MRPL49: variants seen among roughly 807,000 people sequenced by gnomAD.
The protein encoded by MRPL49 is mitochondrial ribosomal protein L49, also known as large ribosomal subunit protein mL49.
MRPL49 carries 14 observed loss-of-function variants against 18.4 expected under a neutral mutation model. That is an observed-to-expected ratio of 0.76 (90% CI 0.50 to 1.19). The LOEUF is 1.19. MRPL49 is among the 50% of genes most tolerant of loss of function. The pLI, the probability that MRPL49 is intolerant of heterozygous loss-of-function variation, is 0.00. For synonymous variants in MRPL49, 104 were observed against 86.2 expected, an observed-to-expected ratio of 1.21 and a Z score of -1.14; for missense variants, 190 against 217.8, an observed-to-expected ratio of 0.87 and a Z score of 0.80.
intron 2 of MRPL49, chr11:65,125,200 G>T: frequency 8.9e-6 from 4 of 447,462 alleles, no homozygotes; most frequent in Non-Finnish European, 1.2e-5. Flanking sequence ...GGAGGGCAAG[G>T]GTTGGCCTAG....
Position 65,124,582 on chromosome 11 carries a change from G to A in MRPL49, c.159G>A (p.Pro53=), listed in dbSNP as rs201173511. 32 of 1,614,156 alleles carry A rather than the reference G, an allele frequency of 2.0e-5. No homozygotes were observed. The highest frequency in any genetic ancestry group is 2.5e-5 in the Non-Finnish European group (30 of 1,180,030). The change falls in exon 2 of 4, where the codon CCG becomes CCA. Residue 53 remains proline (P), a synonymous_variant. Transcript: ENST00000279242. ...DEYQFVERLL[P]ATRIPDPPKH... The stretch of plus-strand genomic sequence containing the variant: ...ATCAGTTTGTGGAGCGCCTGTTACC[G>A]GCTACCAGGATCCCAGATCCCCCAA...
intron 2 of MRPL49, chr11:65,124,888 A>G (rs1227667511): frequency 2.3e-6 from 1 of 436,358 alleles, no homozygotes; most frequent in East Asian, 3.7e-5. Flanking sequence ...TATGGGGGAA[A>G]GTAAACAACA....
chr11:65,122,477 G>A, intron 1 of MRPL49, 53 bp downstream of exon 1: 1 of 1,526,904 alleles, frequency 6.5e-7, no homozygotes, highest in Non-Finnish European at 8.9e-7. Flanking sequence ...GAGGCTCAGT[G>A]TTAATCATTG....
chr11:65,123,910 A>G (rs546935195), intron 1 of MRPL49, among the ~76,000 whole-genome samples: 312 of 151,960 alleles, frequency 2.1e-3, no homozygotes, highest in Non-Finnish European at 3.5e-3. Context: ...TGTTTGAGAG[A>G]GTCTCGTCGC....
rs1430625821 is a variant in MRPL49, at chr11:65,127,069, C to T, written c.*1197C>T. 2.1e-5 allele frequency: 15 copies of T among 702,214 alleles called. No individual in the cohort carries two copies. Among genetic ancestry groups the T allele is most frequent in the Non-Finnish European group, 3.4e-5 (13 of 384,924 alleles). The allele number at this position is 702,214 out of a possible 1,614,324, so 43.5% of individuals were successfully genotyped here. A position where few individuals can be genotyped will look rare whatever the true frequency, so the allele number is the denominator to read the frequency against. ...CTGACTCCCCAACTTGGTCTCTGCC[C>T]TGAAGCAGGGCACTGAACTCTGGGC... On this transcript the variant is annotated 3_prime_UTR_variant, in exon 4 of 4. Transcript: ENST00000279242.
intron 2 of MRPL49, 29 bp downstream of exon 2, chr11:65,124,681 A>G: frequency 6.2e-7 from 1 of 1,610,572 alleles, no homozygotes; most frequent in Non-Finnish European, 8.5e-7. Context: ...GATGATTTGA[A>G]AGCTTCACGG....
chr11:65,125,438 G>C (rs1948089888), intron 2 of MRPL49, 50 bp from the exon 3 acceptor site: 1 of 1,609,964 alleles, frequency 6.2e-7, no homozygotes, highest in African/African-American at 1.3e-5. Context: ...TGGCTGAGGT[G>C]GGATGGCACG....
Position 65,125,988 on chromosome 11 carries a change from A to G in MRPL49, c.*116A>G. The G allele has an allele frequency of 2.3e-6, 3 of 1,307,108 alleles. No individual in the cohort carries two copies. The highest frequency in any genetic ancestry group is 5.1e-5 in the Admixed American group (2 of 39,060). 81.0% of individuals were successfully genotyped at this position (1,307,108 alleles called of 1,614,324 possible). On this transcript the variant is annotated 3_prime_UTR_variant, in exon 4 of 4. Coordinates refer to ENST00000279242, the MANE Select transcript of MRPL49 (RefSeq NM_004927.4). ...GACAGGGGATACAGAAACTAGGGCT[A>G]AAGGACTTTGGGGTCAGGCCTTGCT...
At chr11:65,122,290 C>G, upstream of MRPL49, 1 of 1,585,508 alleles carries the variant, frequency 6.3e-7, no homozygotes, top group Non-Finnish European at 8.6e-7. Context: ...GCAGCTCGCG[C>G]AGGACGGGGC....
rs1417961804 is a variant in MRPL49 at position 65,122,687 on chromosome 11, G to A, written c.78+263G>A. 2.0e-5 allele frequency among the ~76,000 whole-genome samples: 3 copies of A among 151,780 alleles called. No individual in the cohort carries two copies. In the South Asian group the frequency reaches 6.2e-4, roughly 32 times the overall value. On this transcript the variant is annotated intron_variant, in intron 1 of 3. Coordinates refer to ENST00000279242, the MANE Select transcript of MRPL49 (RefSeq NM_004927.4). Reference sequence around the variant, plus strand: ...GGTAAGGGGCGGGGTCCTAGCATATGAGTGTGCGTGGGGAATTATGATTGC... The same window carrying A: ...GGTAAGGGGCGGGGTCCTAGCATATAAGTGTGCGTGGGGAATTATGATTGC...
chr11:65,126,691 A>G lies in MRPL49; in HGVS notation c.*819A>G. On this transcript the variant is annotated 3_prime_UTR_variant, in exon 4 of 4. Coordinates refer to ENST00000279242, the MANE Select transcript of MRPL49 (RefSeq NM_004927.4). Reference sequence around the variant, plus strand: ...ATGGGTCTTGGAGATCTTCTGTTCAAAGTACAGTGCTGGCACTGGGGCACA... The same window carrying G: ...ATGGGTCTTGGAGATCTTCTGTTCAGAGTACAGTGCTGGCACTGGGGCACA... The G allele has an allele frequency of 8.7e-6, 3 of 346,754 alleles. No homozygotes were observed. Among genetic ancestry groups the G allele is most frequent in the Non-Finnish European group, 1.6e-5 (3 of 189,380 alleles). 21.5% of individuals were successfully genotyped at this position (346,754 alleles called of 1,614,324 possible). A position where few individuals can be genotyped will look rare whatever the true frequency, so the allele number is the denominator to read the frequency against.
chr11:65,122,951 C>T (rs1948067495), intron 1 of MRPL49, among the ~76,000 whole-genome samples: 1 of 152,094 alleles, frequency 6.6e-6, no homozygotes, highest in Non-Finnish European at 1.5e-5. Flanking sequence ...GATCTTCTGA[C>T]CTCGTGATCC....
chr11:65,123,427 A>T (rs560859688), intron 1 of MRPL49, among the ~76,000 whole-genome samples: 1 of 152,362 alleles, frequency 6.6e-6, no homozygotes, highest in Non-Finnish European at 1.5e-5. Context: ...AGGTAAAAGA[A>T]GACAAAGGTT....
chr11:65,125,669 G>T, intron 3 of MRPL49, 57 bp downstream of exon 3: 1 of 1,612,134 alleles, frequency 6.2e-7, no homozygotes. Flanking sequence ...TGAAGGGACA[G>T]GAGTCTTTTT....
rs1228677571 is a variant in MRPL49, at chr11:65,127,110, A to T, written c.*1238A>T. Reference sequence around the variant, plus strand: ...AACTCTGGGCTGCTTCTCTGTGTGTAAAATGGGCACATCTTCCTAATCTGT... The same window carrying T: ...AACTCTGGGCTGCTTCTCTGTGTGTTAAATGGGCACATCTTCCTAATCTGT... On this transcript the variant is annotated 3_prime_UTR_variant, in exon 4 of 4. Coordinates refer to ENST00000279242, the MANE Select transcript of MRPL49 (RefSeq NM_004927.4). 2 of 694,150 alleles carry T rather than the reference A, an allele frequency of 2.9e-6. No individual in the cohort carries two copies. Among genetic ancestry groups the T allele is most frequent in the South Asian group, 3.0e-5 (2 of 66,244 alleles). The allele number at this position is 694,150 out of a possible 1,614,324, so 43.0% of individuals were successfully genotyped here.
chr11:65,126,082 G>A lies in MRPL49; in HGVS notation c.*210G>A. ...TGCCTAATGTGGGAGACCAAATAGG[G>A]ATCACCAGGCTAATGGGGGGCGTCA... On this transcript the variant is annotated 3_prime_UTR_variant, in exon 4 of 4. Transcript: ENST00000279242. The A allele has an allele frequency of 2.0e-6, 1 of 504,022 alleles. No homozygotes were observed. Among genetic ancestry groups the A allele is most frequent in the Non-Finnish European group, 3.4e-6 (1 of 291,296 alleles). 31.2% of individuals were successfully genotyped at this position (504,022 alleles called of 1,614,324 possible). A position where few individuals can be genotyped will look rare whatever the true frequency, so the allele number is the denominator to read the frequency against.
In MRPL49 at chr11:65,127,132, CTG is replaced by C. The variant is rs1590824181; in HGVS notation, c.*1262_*1263del. Reference sequence around the variant, plus strand: ...TGTAAAATGGGCACATCTTCCTAATCTGTTAATGGTCAGTGGTGTCCCCAAGG... The same window carrying C: ...TGTAAAATGGGCACATCTTCCTAATCTTAATGGTCAGTGGTGTCCCCAAGG... On this transcript the variant is annotated 3_prime_UTR_variant, in exon 4 of 4. Coordinates refer to ENST00000279242, the MANE Select transcript of MRPL49 (RefSeq NM_004927.4). 8.8e-6 allele frequency: 6 copies of C among 684,032 alleles called. No homozygotes were observed. In the East Asian group the frequency reaches 1.6e-4, roughly 18 times the overall value. The allele number at this position is 684,032 out of a possible 1,614,324, so 42.4% of individuals were successfully genotyped here. A position where few individuals can be genotyped will look rare whatever the true frequency, so the allele number is the denominator to read the frequency against.
intron 1 of MRPL49, among the ~76,000 whole-genome samples, chr11:65,122,720 CTTT>C (rs11445335): frequency 6.9e-5 from 9 of 130,852 alleles, no homozygotes; most frequent in Admixed American, 1.6e-4. Context: ...TGCCTTAATT[CTTT>C]TTTTTTTTTT....
At chr11:65,124,726 A>C (rs144908022) in intron 2 of MRPL49, 74 bp downstream of exon 2, 6 of 1,537,856 alleles carry the variant, frequency 3.9e-6, no homozygotes, top group Non-Finnish European at 5.3e-6. Context: ...GGCCTCCCCC[A>C]TGAGGCTCTG....
Sources: allele counts gnomAD v4.1 joint callset (sites outside exome capture counted in the v4.1 genomes callset), GRCh38; gene constraint gnomAD v4.1.1; transcripts MANE v1.5; gene names NCBI Gene and HGNC (gene_info 2026-07-23, HGNC 2026-07-21).